The following TJP3 variants were observed in gnomAD, a reference collection of about 807,000 sequenced individuals.
TJP3 encodes tight junction protein 3.
A neutral mutation model predicts 104.2 loss-of-function variants in TJP3; 85 were observed. That is an observed-to-expected ratio of 0.82 (90% CI 0.68 to 0.98). The LOEUF (loss-of-function observed/expected upper bound fraction) is 0.98, where lower values mean the gene tolerates loss of function less well. Ranked by LOEUF, TJP3 falls within the 50% of genes least tolerant of loss-of-function variation. TJP3 has a pLI of 0.00. For synonymous variants in TJP3, 550 were observed against 550.6 expected (o/e 1.00, Z 0.02); for missense variants, 1,367 against 1,322.8 (o/e 1.03, Z -0.52).
At chr19:3,725,817 G>A (rs984666697) in intron 1 of TJP3, among the ~76,000 whole-genome samples, 10 of 152,006 alleles carry the variant, frequency 6.6e-5, no homozygotes, top group Non-Finnish European at 1.2e-4. Context: ...CCACATCCCT[G>A]CAAGACAGGG....
At chr19:3,718,007 A>G (rs1306299110) in intron 1 of TJP3, among the ~76,000 whole-genome samples, 1 of 150,980 alleles carries the variant, frequency 6.6e-6, no homozygotes, top group African/African-American at 2.4e-5. Context: ...CAAGGTCAGG[A>G]GTTTGAGACC....
chr19:3,725,046 G>C (rs1052067013), intron 1 of TJP3, among the ~76,000 whole-genome samples: 1 of 152,020 alleles, frequency 6.6e-6, no homozygotes, highest in Non-Finnish European at 1.5e-5. Flanking sequence ...GGATCGCTTG[G>C]GCCCAGGAAT....
chr19:3,746,882 G>A lies in TJP3; in HGVS notation c.2322+6G>A, dbSNP rs543186677. The A allele has an allele frequency of 6.3e-7, 1 of 1,587,852 alleles. No individual in the cohort carries two copies. Among genetic ancestry groups the A allele is most frequent in the South Asian group, 1.1e-5 (1 of 88,112 alleles). ...TCTGGACGGCGGAAGATCAGGTACT[G>A]CCGCGGTGTGGGTGGGTCGGGCAGG... On this transcript the variant is annotated splice_donor_region_variant and intron_variant, in intron 18 of 20. Transcript: ENST00000541714. This position sits in a 1 kb window ranked among gnomAD's most constrained non-coding sequence, Gnocchi z 4.1.
chr19:3,710,875 T>A (rs1392963979), intron 1 of TJP3, among the ~76,000 whole-genome samples: 1 of 152,098 alleles, frequency 6.6e-6, no homozygotes, highest in Admixed American at 6.6e-5. Context: ...GAGGGTAACA[T>A]GCGTGAGAGG....
chr19:3,739,246 C>A, intron 13 of TJP3, 112 bp downstream of exon 13: 1 of 970,876 alleles, frequency 1.0e-6, no homozygotes, highest in Non-Finnish European at 1.5e-6. Flanking sequence ...AATCCTGGCA[C>A]TTTGGGAGGC....
At position 3,746,888 on chromosome 19, in the gene TJP3, G is replaced by A. The variant is rs907318154; in HGVS notation, c.2322+12G>A. 3 of 1,582,878 alleles carry A rather than the reference G, an allele frequency of 1.9e-6. No individual in the cohort carries two copies. The highest frequency in any genetic ancestry group is 2.6e-6 in the Non-Finnish European group (3 of 1,162,168). ...CGGCGGAAGATCAGGTACTGCCGCG[G>A]TGTGGGTGGGTCGGGCAGGGAGGCC... On this transcript the variant is annotated intron_variant, in intron 18 of 20. Coordinates refer to ENST00000541714, the MANE Select transcript of TJP3 (RefSeq NM_001267560.2). This position sits in a 1 kb window ranked among gnomAD's most constrained non-coding sequence, Gnocchi z 4.1.
At chr19:3,742,171 C>T (rs1296095265) in intron 14 of TJP3, among the ~76,000 whole-genome samples, 5 of 152,198 alleles carry the variant, frequency 3.3e-5, no homozygotes, top group Admixed American at 2.0e-4. Flanking sequence ...TGGTGGCTCA[C>T]GCTTGTAATC....
intron 14 of TJP3, among the ~76,000 whole-genome samples, chr19:3,743,510 G>C (rs1328239572): frequency 6.6e-6 from 1 of 152,198 alleles, no homozygotes; most frequent in Admixed American, 6.5e-5. Context: ...GGTAGCCATA[G>C]ACAGGACATA....
intron 10 of TJP3, 44 bp from the exon 11 acceptor site, chr19:3,736,121 G>C (rs752905855): frequency 1.9e-6 from 3 of 1,561,198 alleles, no homozygotes; most frequent in Non-Finnish European, 2.6e-6. Flanking sequence ...CCCTCCCTTT[G>C]TCCGCCCACT....
At chr19:3,724,185 T>G (rs1472492233) in intron 1 of TJP3, among the ~76,000 whole-genome samples, 2 of 151,064 alleles carry the variant, frequency 1.3e-5, no homozygotes, top group East Asian at 3.9e-4. Context: ...GGGGCCCTGG[T>G]TCCCTGGGGC....
intron 1 of TJP3, among the ~76,000 whole-genome samples, chr19:3,718,850 T>C (rs2036516276): frequency 6.6e-6 from 1 of 152,134 alleles, no homozygotes; most frequent in African/African-American, 2.4e-5. Flanking sequence ...ATGATGTGTT[T>C]TTCTCACGAC....
At chr19:3,728,131 C>T (rs521169) in intron 1 of TJP3, among the ~76,000 whole-genome samples, 152,035 of 152,040 alleles carry the variant, frequency 1, 76,015 homozygotes, top group Non-Finnish European at 1. Context: ...TCCCAGCTAC[C>T]TGGGAGGCTG....
At chr19:3,743,263 CAAAAAAAA>C (rs57352964) in intron 14 of TJP3, among the ~76,000 whole-genome samples, 1 of 146,894 alleles carries the variant, frequency 6.8e-6, no homozygotes, top group Non-Finnish European at 1.5e-5. Context: ...GACTCCATCT[CAAAAAAAA>C]AAGTAAATAA....
At chr19:3,720,567 G>GCCCTTTTA (rs1387479598) in intron 1 of TJP3, among the ~76,000 whole-genome samples, 11 of 151,918 alleles carry the variant, frequency 7.2e-5, no homozygotes, top group Non-Finnish European at 1.6e-4. Flanking sequence ...GTGTAGCTTT[G>GCCCTTTTA]CCCTTTTACC....
intron 1 of TJP3, among the ~76,000 whole-genome samples, chr19:3,714,698 A>G (rs2036461544): frequency 6.6e-6 from 1 of 152,038 alleles, no homozygotes; most frequent in African/African-American, 2.4e-5. Context: ...ACGAGGTCAG[A>G]GTTCGAGACC....
intron 5 of TJP3, among the ~76,000 whole-genome samples, chr19:3,731,669 CAA>C (rs1344505571): frequency 1.3e-5 from 2 of 151,940 alleles, no homozygotes; most frequent in African/African-American, 2.4e-5. Context: ...AAAATTGAAA[CAA>C]TGATGATGTT....
chr19:3,720,012 T>G (rs1343814555), intron 1 of TJP3, among the ~76,000 whole-genome samples: 2 of 152,206 alleles, frequency 1.3e-5, no homozygotes, highest in African/African-American at 2.4e-5. Context: ...TTCAAAGTTC[T>G]GGAATTACAG....
At chr19:3,741,071 G>C (rs1857806072) in intron 14 of TJP3, among the ~76,000 whole-genome samples, 1 of 152,018 alleles carries the variant, frequency 6.6e-6, no homozygotes, top group Non-Finnish European at 1.5e-5. Context: ...CGTGATCTGA[G>C]CTCACTGCAA....
intron 14 of TJP3, among the ~76,000 whole-genome samples, chr19:3,741,063 TG>T (rs2145697632): frequency 6.6e-6 from 1 of 152,212 alleles, no homozygotes; most frequent in South Asian, 2.1e-4. Context: ...TGCAATAGCG[TG>T]ATCTGAGCTC....
Sources: allele counts gnomAD v4.1 joint callset (sites outside exome capture counted in the v4.1 genomes callset), GRCh38; gene constraint gnomAD v4.1.1; non-coding constraint Gnocchi (gnomAD v3.1); transcripts MANE v1.5; gene names NCBI Gene and HGNC (gene_info 2026-07-23, HGNC 2026-07-21).